IL3RA: variants seen among roughly 807,000 people sequenced by gnomAD.
The protein encoded by IL3RA is interleukin 3 receptor subunit alpha.
A neutral mutation model predicts 52.3 loss-of-function variants in IL3RA; 73 were observed. That is an observed-to-expected ratio of 1.40 (90% CI 1.16 to 1.70). The LOEUF is 1.70. IL3RA is among the 40% of genes most tolerant of loss of function. IL3RA has a pLI of 0.00. For synonymous variants in IL3RA, 260 were observed against 194.0 expected (o/e 1.34, Z -2.83); for missense variants, 664 against 504.4 (o/e 1.32, Z -3.03).
intron 9 of IL3RA, among the ~76,000 whole-genome samples, chrX:1,376,883 G>C (rs2088782736): frequency 9.2e-6 from 1 of 108,306 alleles, no homozygotes; most frequent in Non-Finnish European, 1.8e-5. Flanking sequence ...GGGAGAAGAC[G>C]GCGTCTCCAA....
intron 8 of IL3RA, among the ~76,000 whole-genome samples, chrX:1,361,632 G>A (rs191881950): frequency 0.074 from 11,161 of 151,526 alleles, 1,198 homozygotes; most frequent in African/African-American, 0.24. Flanking sequence ...AGGCGCCTGT[G>A]GTCCCAGCTA....
At chrX:1,360,295 C>A (rs1472291399) in intron 8 of IL3RA, among the ~76,000 whole-genome samples, 9 of 21,278 alleles carry the variant, frequency 4.2e-4, no homozygotes. Flanking sequence ...TCTATCTCCC[C>A]CTCTCCCTGT....
intron 8 of IL3RA, among the ~76,000 whole-genome samples, chrX:1,359,519 TCTCC>T (rs1374683634): frequency 1.4e-5 from 2 of 147,436 alleles, no homozygotes; most frequent in African/African-American, 5.1e-5. Context: ...CCTCTCTGTA[TCTCC>T]CTCCCTTTTT....
At chrX:1,380,043 A>T (rs112614773) in intron 10 of IL3RA, among the ~76,000 whole-genome samples, 3 of 143,454 alleles carry the variant, frequency 2.1e-5, no homozygotes, top group Non-Finnish European at 3.1e-5. Context: ...GACAGGCGTG[A>T]GCCACCATGC....
chrX:1,367,392 A>C (rs1465461268), intron 9 of IL3RA, among the ~76,000 whole-genome samples: 4 of 20,152 alleles, frequency 2.0e-4, no homozygotes, highest in East Asian at 1.7e-3. Flanking sequence ...GCGCGGGGTG[A>C]GCGGGGTGCG....
intron 8 of IL3RA, among the ~76,000 whole-genome samples, chrX:1,360,854 C>CCTGTCTCTCTCTGCCTTCCCCTCT (rs2087221754): frequency 7.4e-6 from 1 of 134,440 alleles, no homozygotes. Flanking sequence ...TAGCTCTCTC[C>CCTGTCTCTCTCTGCCTTCCCCTCT]CTGTCTCTCT....
intron 2 of IL3RA, among the ~76,000 whole-genome samples, chrX:1,344,161 C>T (rs1288928514): frequency 1.5e-4 from 23 of 152,184 alleles, no homozygotes; most frequent in African/African-American, 4.1e-4. Flanking sequence ...CAGCCAGGCT[C>T]AGTAACTCAC....
rs1385092461 is a variant in IL3RA at position 1,345,315 on chromosome X, G to C, written c.65-1G>C. 1.1e-5 allele frequency: 17 copies of C among 1,605,722 alleles called. No individual in the cohort carries two copies. The highest frequency in any genetic ancestry group is 1.4e-5 in the African/African-American group (1 of 74,040). On this transcript the variant is annotated splice_acceptor_variant, in intron 2 of 11. Transcript: ENST00000331035. LOFTEE classifies it high-confidence loss of function. Reference sequence around the variant, plus strand: ...CGAACTCCAACCTGTCACCGTTTTAGATCCAAACCCACCAATCACGAACCT... The same window carrying C: ...CGAACTCCAACCTGTCACCGTTTTACATCCAAACCCACCAATCACGAACCT...
intron 4 of IL3RA, 53 bp from the exon 5 acceptor site, chrX:1,352,047 G>T: frequency 6.3e-7 from 1 of 1,595,480 alleles, no homozygotes; most frequent in East Asian, 2.2e-5. Flanking sequence ...TGACAGGCGT[G>T]AGCCACCGCG....
chrX:1,380,941 GT>G (rs2089148909), intron 10 of IL3RA, 81 bp from the exon 11 acceptor site: 15 of 1,197,064 alleles, frequency 1.3e-5, no homozygotes, highest in Non-Finnish European at 1.9e-5. Context: ...TCCTGGCACT[GT>G]CTGTCCTGGA....
intron 11 of IL3RA, among the ~76,000 whole-genome samples, 159 bp downstream of exon 11, chrX:1,381,263 T>C (rs1376121362): frequency 6.6e-6 from 1 of 152,074 alleles, no homozygotes; most frequent in African/African-American, 2.4e-5. Context: ...CCGGGTGTGG[T>C]GGCGGGCGCC....
At chrX:1,356,477 CAAA>C (rs1242367996) in intron 7 of IL3RA, 141 bp downstream of exon 7, 1 of 635,242 alleles carries the variant, frequency 1.6e-6, no homozygotes, top group African/African-American at 1.9e-5. Context: ...AAAACAAAAA[CAAA>C]AACAAAAGGC....
At chrX:1,345,778 C>T (rs1337466343) in intron 3 of IL3RA, among the ~76,000 whole-genome samples, 25 of 151,914 alleles carry the variant, frequency 1.6e-4, no homozygotes, top group Non-Finnish European at 2.8e-4. Flanking sequence ...GCGCGAGTCA[C>T]CGCGCATGGC....
intron 3 of IL3RA, 27 bp downstream of exon 3, chrX:1,345,461 T>A (rs1467846362): frequency 2.9e-6 from 4 of 1,366,180 alleles, no homozygotes; most frequent in Non-Finnish European, 4.0e-6. Flanking sequence ...ATTGTTTTTT[T>A]ATTTTTATTT....
intron 2 of IL3RA, 117 bp downstream of exon 2, chrX:1,341,946 C>G (rs1401897519): frequency 1.9e-6 from 2 of 1,046,474 alleles, no homozygotes; most frequent in Non-Finnish European, 3.0e-6. Flanking sequence ...ATGGCAGAGT[C>G]TCATGCAGTG....
At position 1,378,697 on chromosome X, in the gene IL3RA, C is replaced by A. The variant is rs573840129; in HGVS notation, c.913C>A (p.Arg305=). 16 of 1,612,578 alleles carry A rather than the reference C, an allele frequency of 9.9e-6. No homozygotes were observed. The Middle Eastern group carries it at 5.6e-4, about 57-fold the overall frequency. Residue 305 remains arginine, a synonymous_variant, in exon 10 of 12, where the codon CGG becomes AGG. Coordinates refer to ENST00000331035, the MANE Select transcript of IL3RA (RefSeq NM_002183.4). ...QEEGANTRAW[R]TSLLIALGTL... ...GGAGGGCGCAAACACACGTGCCTGG[C>A]GGACGTCGCTGCTGATCGCGCTGGG...
chrX:1,348,483 C>G lies in IL3RA; in HGVS notation c.236C>G (p.Thr79Ser), dbSNP rs749068374. 4 of 1,613,786 alleles carry G rather than the reference C, an allele frequency of 2.5e-6. No homozygotes were observed. In the Admixed American group the frequency reaches 5.0e-5, roughly 20 times the overall value. The change falls in exon 4 of 12, where the codon ACC becomes AGC. Residue 79 changes from threonine (T) to serine (S), a missense_variant. Thr to Ser is a moderately conservative substitution (Grantham distance 58). Transcript: ENST00000331035. ...GGAGCAATTTCCTTATGTGAAGTGA[C>G]CAACTACACCGTCCGAGTGGCCAAC... ...QFGAISLCEV[T>S]NYTVRVANPP...
At chrX:1,350,983 G>A (rs758822600) in intron 4 of IL3RA, among the ~76,000 whole-genome samples, 33 of 151,970 alleles carry the variant, frequency 2.2e-4, no homozygotes, top group African/African-American at 7.5e-4. Context: ...GAGGCGGGTG[G>A]ATCACTTGAG....
intron 8 of IL3RA, among the ~76,000 whole-genome samples, chrX:1,363,033 C>T (rs2087585523): frequency 6.6e-6 from 1 of 152,086 alleles, no homozygotes; most frequent in Admixed American, 6.6e-5. Flanking sequence ...ACCTCAGCCT[C>T]CCAAAGTGCT....
Sources: gnomAD v4.1 joint callset for allele counts (sites outside exome capture counted in the v4.1 genomes callset) on GRCh38, gnomAD v4.1.1 for gene constraint, MANE v1.5 for transcripts, NCBI Gene and HGNC (gene_info 2026-07-23, HGNC 2026-07-21) for gene names.